The following CFAP20DC variants were observed in gnomAD, a reference collection of about 807,000 sequenced individuals.
CFAP20DC encodes the protein protein CFAP20DC.
In CFAP20DC, 84 loss-of-function variants were observed where a neutral mutation model predicts 101.7. The observed-to-expected ratio is 0.83, with a 90% CI of 0.69 to 0.99. The LOEUF is 0.99. Ranked by LOEUF, CFAP20DC falls within the 50% of genes least tolerant of loss-of-function variation. The pLI is 0.00. For missense variants in CFAP20DC, 1,007 were observed against 970.3 expected (o/e 1.04, Z -0.50); for synonymous variants, 359 against 351.2 (o/e 1.02, Z -0.25).
chr3:58,860,551 A>G (rs2079166321), intron 12 of CFAP20DC, among the ~76,000 whole-genome samples: 1 of 152,188 alleles, frequency 6.6e-6, no homozygotes, highest in Non-Finnish European at 1.5e-5. Flanking sequence ...ACACAAGACA[A>G]ATTACTTGGC....
rs1290797480 is a variant in CFAP20DC at position 58,882,199 on chromosome 3, C to A, written c.715+2346G>T. Among the ~76,000 whole-genome samples, 1 of 151,984 alleles carries A rather than the reference C, an allele frequency of 6.6e-6. No homozygotes were observed. The highest frequency in any genetic ancestry group is 1.5e-5 in the Non-Finnish European group (1 of 67,950). ...CAAGTTCACTACTATGCATTGAGAG[C>A]CCTTTTATGGAAATTGCAAAATATA... On this transcript the variant is annotated intron_variant, in intron 7 of 16. Transcript: ENST00000482387. This position sits in a 1 kb window ranked among gnomAD's most constrained non-coding sequence, Gnocchi z 4.2.
chr3:58,772,710 T>C lies in CFAP20DC; in HGVS notation c.2238-18847A>G, dbSNP rs1352424466. On this transcript the variant is annotated intron_variant, in intron 15 of 16. Coordinates refer to ENST00000482387, the MANE Select transcript of CFAP20DC (RefSeq NM_001394063.1). The stretch of plus-strand genomic sequence containing the variant: ...GTCCATTACCAGGGAACTGGCTGAA[T>C]AAATTATGGTACACCCAAACAATGA... Among the ~76,000 whole-genome samples, 6 of 152,154 alleles carry C rather than the reference T, an allele frequency of 3.9e-5. 1 individual carries two copies. Among genetic ancestry groups the C allele is most frequent in the Admixed American group, 3.3e-4 (5 of 15,264 alleles).
At chr3:58,851,754 A>C (rs940254718) in intron 12 of CFAP20DC, among the ~76,000 whole-genome samples, 35 of 152,302 alleles carry the variant, frequency 2.3e-4, no homozygotes, top group African/African-American at 7.9e-4. Flanking sequence ...TGAAAAAAAA[A>C]CATGCCTCTT....
chr3:59,027,378 CAAT>C (rs2093912319), intron 4 of CFAP20DC, among the ~76,000 whole-genome samples: 2 of 152,242 alleles, frequency 1.3e-5, no homozygotes, highest in South Asian at 4.1e-4. Context: ...TTGTACATAG[CAAT>C]AATATTCTCC....
At chr3:58,916,565 A>G (rs1339566495) in intron 5 of CFAP20DC, among the ~76,000 whole-genome samples, 1 of 152,150 alleles carries the variant, frequency 6.6e-6, no homozygotes, top group Non-Finnish European at 1.5e-5. Context: ...GTGGGCATTG[A>G]GTATATGTGT....
intron 6 of CFAP20DC, among the ~76,000 whole-genome samples, chr3:58,886,671 G>A (rs1180550091): frequency 6.6e-6 from 1 of 151,690 alleles, no homozygotes; most frequent in Non-Finnish European, 1.5e-5. Flanking sequence ...ATGACTGCAC[G>A]ACTGCACTTC....
chr3:58,785,173 C>A (rs1316380383), intron 15 of CFAP20DC, among the ~76,000 whole-genome samples: 1 of 151,998 alleles, frequency 6.6e-6, no homozygotes, highest in African/African-American at 2.4e-5. Flanking sequence ...GTGAAATAAA[C>A]CAAGCACAGA....
chr3:58,933,516 T>C (rs2087038151), intron 5 of CFAP20DC, among the ~76,000 whole-genome samples: 1 of 152,208 alleles, frequency 6.6e-6, no homozygotes, highest in Non-Finnish European at 1.5e-5. Context: ...GACCACATAG[T>C]TGGAAGTAAA....
chr3:58,979,494 A>C (rs763576758), intron 4 of CFAP20DC, among the ~76,000 whole-genome samples: 18 of 152,220 alleles, frequency 1.2e-4, no homozygotes, highest in Non-Finnish European at 1.8e-4. Flanking sequence ...CTGAGGAATG[A>C]GCCACCTTTG....
At chr3:58,931,135 G>A (rs1258101039) in intron 5 of CFAP20DC, among the ~76,000 whole-genome samples, 5 of 152,066 alleles carry the variant, frequency 3.3e-5, no homozygotes, top group African/African-American at 7.3e-5. Flanking sequence ...CACCTGGCTC[G>A]GAGGGTCCTA....
intron 12 of CFAP20DC, among the ~76,000 whole-genome samples, chr3:58,852,598 A>C (rs1206242483): frequency 6.6e-6 from 1 of 151,656 alleles, no homozygotes; most frequent in Non-Finnish European, 1.5e-5. Context: ...AGCTCTCCTC[A>C]GCAAATGTAA....
intron 15 of CFAP20DC, among the ~76,000 whole-genome samples, chr3:58,787,498 ATAAAT>A (rs1330957110): frequency 6.6e-6 from 1 of 152,136 alleles, no homozygotes; most frequent in African/African-American, 2.4e-5. Context: ...ATAAAAAAGA[ATAAAT>A]TAAAAAACCA....
chr3:58,803,229 G>A (rs1300240854), intron 15 of CFAP20DC, among the ~76,000 whole-genome samples: 3 of 152,086 alleles, frequency 2.0e-5, no homozygotes, highest in Non-Finnish European at 4.4e-5. Context: ...ACACCACCCC[G>A]TCTCTGCCAT....
At chr3:58,937,841 AT>A in intron 4 of CFAP20DC, 79 bp from the exon 5 acceptor site, 1 of 792,132 alleles carries the variant, frequency 1.3e-6, no homozygotes, top group Non-Finnish European at 2.1e-6. Flanking sequence ...TCAAAATGAT[AT>A]AATTTATCAT....
At chr3:58,961,149 T>C (rs6786084) in intron 4 of CFAP20DC, among the ~76,000 whole-genome samples, 18,553 of 152,288 alleles carry the variant, frequency 0.12, 1,420 homozygotes, top group Middle Eastern at 0.18. Context: ...TTTTCTAATA[T>C]TTTTGTTGAA....
intron 14 of CFAP20DC, among the ~76,000 whole-genome samples, chr3:58,813,068 G>A (rs898953634): frequency 1.3e-5 from 2 of 151,668 alleles, no homozygotes; most frequent in Non-Finnish European, 2.9e-5. Flanking sequence ...CTATTACCAC[G>A]AATGAGAATT....
intron 5 of CFAP20DC, among the ~76,000 whole-genome samples, chr3:58,927,813 T>C (rs2107621808): frequency 6.6e-6 from 1 of 152,276 alleles, no homozygotes; most frequent in South Asian, 2.1e-4. Context: ...CTCTGCCACC[T>C]TGCTGCTCTC....
chr3:58,925,787 G>T (rs1184424266), intron 5 of CFAP20DC, among the ~76,000 whole-genome samples: 2 of 152,198 alleles, frequency 1.3e-5, no homozygotes, highest in Non-Finnish European at 2.9e-5. Context: ...AGGGCCTATA[G>T]TCAGGAAGTG....
At chr3:59,025,436 T>A (rs1392814378) in intron 4 of CFAP20DC, among the ~76,000 whole-genome samples, 1 of 152,180 alleles carries the variant, frequency 6.6e-6, no homozygotes, top group Non-Finnish European at 1.5e-5. Flanking sequence ...TGTCTCGAAA[T>A]GTTTCACAAG....
Sources: allele counts gnomAD v4.1 joint callset (sites outside exome capture counted in the v4.1 genomes callset), GRCh38; gene constraint gnomAD v4.1.1; non-coding constraint Gnocchi (gnomAD v3.1); transcripts MANE v1.5; gene names NCBI Gene and HGNC (gene_info 2026-07-23, HGNC 2026-07-21).